FRMD4B: variants seen among roughly 807,000 people sequenced by gnomAD.
FRMD4B encodes the protein FERM domain containing 4B, also known as FERM domain-containing protein 4B.
Under a neutral mutation model 141.5 loss-of-function variants are expected in FRMD4B, and 74 were observed. That is an observed-to-expected ratio of 0.52 (90% CI 0.43 to 0.63). The LOEUF is 0.63. FRMD4B is among the 30% of genes least tolerant of loss of function. FRMD4B has a pLI of 0.00. For synonymous variants in FRMD4B, 506 were observed against 467.9 expected (o/e 1.08, Z -1.05); for missense variants, 1,366 against 1,253.4 (o/e 1.09, Z -1.36).
intron 5 of FRMD4B, among the ~76,000 whole-genome samples, chr3:69,262,245 G>A (rs2093532163): frequency 6.6e-6 from 1 of 152,094 alleles, no homozygotes; most frequent in Non-Finnish European, 1.5e-5. Flanking sequence ...AGGATTACAG[G>A]CACGAACCAC....
At chr3:69,172,476 G>A (rs938914364) in intron 22 of FRMD4B, among the ~76,000 whole-genome samples, 2 of 151,774 alleles carry the variant, frequency 1.3e-5, no homozygotes, top group African/African-American at 4.8e-5. Flanking sequence ...ACAAATCTTC[G>A]GCCCATGTCC....
In FRMD4B at chr3:69,224,677, TG is replaced by T; in HGVS notation, c.594del (p.Arg199GlyfsTer4). 6.5e-7 allele frequency: 1 copy of T among 1,548,764 alleles called. No homozygotes were observed. The highest frequency in any genetic ancestry group is 8.8e-7 in the Non-Finnish European group (1 of 1,131,330). Reference sequence around the variant, plus strand: ...GCTGGTAATGTCTTTAAATCTTTCCTGGCATTTTCATCACTAAAAAGAAATG... The same window carrying T: ...GCTGGTAATGTCTTTAAATCTTTCCTGCATTTTCATCACTAAAAAGAAATG... The part of the protein sequence containing the change: ...AKGDYTSDEN[A>X]RKDLKTLPAF... On this transcript the variant is annotated frameshift_variant, in exon 8 of 23. Coordinates refer to ENST00000398540, the MANE Select transcript of FRMD4B (RefSeq NM_015123.3). LOFTEE classifies it high-confidence loss of function.
intron 1 of FRMD4B, among the ~76,000 whole-genome samples, chr3:69,495,591 G>C (rs893975484): frequency 3.3e-5 from 5 of 152,120 alleles, no homozygotes; most frequent in African/African-American, 1.2e-4. Context: ...CGACAGGCTG[G>C]GTTTGAATCC....
At chr3:69,473,297 C>T (rs902394886) in intron 1 of FRMD4B, among the ~76,000 whole-genome samples, 3 of 152,124 alleles carry the variant, frequency 2.0e-5, no homozygotes, top group Non-Finnish European at 2.9e-5. Flanking sequence ...TTCTATCCAG[C>T]TGATGGCTCT....
At chr3:69,354,875 A>G (rs1703267132) in intron 1 of FRMD4B, among the ~76,000 whole-genome samples, 1 of 152,222 alleles carries the variant, frequency 6.6e-6, no homozygotes, top group African/African-American at 2.4e-5. Context: ...TCACTTGATG[A>G]TATCAGTAGA....
intron 7 of FRMD4B, among the ~76,000 whole-genome samples, chr3:69,235,783 A>C (rs1205205281): frequency 6.6e-6 from 1 of 152,224 alleles, no homozygotes; most frequent in Non-Finnish European, 1.5e-5. Context: ...TTATGCTATT[A>C]ACATCAGTGT....
intron 3 of FRMD4B, among the ~76,000 whole-genome samples, chr3:69,309,643 C>T (rs1162080601): frequency 2.1e-5 from 3 of 141,162 alleles, no homozygotes; most frequent in African/African-American, 5.2e-5. Context: ...TATGGGGTCT[C>T]CCTATGTTAC....
At chr3:69,488,918 T>C (rs1244732672) in intron 1 of FRMD4B, among the ~76,000 whole-genome samples, 1 of 139,778 alleles carries the variant, frequency 7.2e-6, no homozygotes, top group East Asian at 2.0e-4. Context: ...AAAAAAAAAG[T>C]TTAAGATATA....
intron 2 of FRMD4B, among the ~76,000 whole-genome samples, chr3:69,419,441 G>C (rs1258756324): frequency 6.6e-6 from 1 of 152,078 alleles, no homozygotes; most frequent in Non-Finnish European, 1.5e-5. Context: ...CTTATATTCG[G>C]CTCATTGAGC....
chr3:69,535,926 C>T lies in FRMD4B; in HGVS notation c.-129+6280G>A, dbSNP rs1194860511. ...GACAGTGGGTTTTGAACTCTTACTCCCAGCTTTCATTTTCCTGTGGTCCCC... is the reference window on the plus strand; with the variant it reads ...GACAGTGGGTTTTGAACTCTTACTCTCAGCTTTCATTTTCCTGTGGTCCCC... On this transcript the variant is annotated intron_variant, in intron 1 of 5. Coordinates refer to the FRMD4B transcript ENST00000459638. 5 of 387,646 alleles carry T rather than the reference C, an allele frequency of 1.3e-5. No homozygotes were observed. The East Asian group carries it at 3.7e-4, about 29-fold the overall frequency. 24.0% of individuals were successfully genotyped at this position (387,646 alleles called of 1,614,324 possible).
At position 69,317,587 on chromosome 3, in the gene FRMD4B, T is replaced by C. The variant is rs557325452; in HGVS notation, c.163-4070A>G. Reference sequence around the variant, plus strand: ...CATGGTAATGGTAAAAGCTTGTCTCTACTAAAAAAATACAAAAATTAGCTG... The same window carrying C: ...CATGGTAATGGTAAAAGCTTGTCTCCACTAAAAAAATACAAAAATTAGCTG... On this transcript the variant is annotated intron_variant, in intron 1 of 22. Transcript: ENST00000398540. 4.0e-5 allele frequency among the ~76,000 whole-genome samples: 6 copies of C among 151,882 alleles called. No homozygotes were observed. The South Asian group carries it at 1.3e-3, about 32-fold the overall frequency.
At chr3:69,363,317 T>A (rs1703530587) in intron 1 of FRMD4B, among the ~76,000 whole-genome samples, 1 of 148,576 alleles carries the variant, frequency 6.7e-6, no homozygotes, top group African/African-American at 2.5e-5. Context: ...ACTCCTGAGC[T>A]CAAGTGATCC....
At chr3:69,242,696 A>G (rs868572119) in intron 7 of FRMD4B, among the ~76,000 whole-genome samples, 2 of 139,144 alleles carry the variant, frequency 1.4e-5, no homozygotes, top group Non-Finnish European at 3.1e-5. Flanking sequence ...AAATCTTAGG[A>G]AAAAAAAAAA....
chr3:69,536,778 G>A, intron 1 of FRMD4B: 1 of 459,308 alleles, frequency 2.2e-6, no homozygotes, highest in Non-Finnish European at 4.0e-6. Context: ...ACAGAGTCTT[G>A]CTCTGTCGCT....
intron 1 of FRMD4B, chr3:69,536,469 G>C (rs985362788): frequency 1.3e-5 from 9 of 701,960 alleles, no homozygotes; most frequent in Non-Finnish European, 2.4e-5. Context: ...TGTAGAGCTT[G>C]ACGGCCACCG....
At chr3:69,425,119 A>G (rs764115186) in intron 2 of FRMD4B, among the ~76,000 whole-genome samples, 2 of 152,130 alleles carry the variant, frequency 1.3e-5, no homozygotes, top group Non-Finnish European at 2.9e-5. Flanking sequence ...TCATGGTGTT[A>G]TTATCTCTTA....
rs550804096 is a variant in FRMD4B, at chr3:69,170,543, A to G, written c.*1318T>C. The stretch of plus-strand genomic sequence containing the variant: ...AATATAGATAGAAAATGTTCCAAAA[A>G]AGTTGTTCAGAAACTTTTCTATTCA... On this transcript the variant is annotated 3_prime_UTR_variant, in exon 23 of 23. Transcript: ENST00000398540. 2 of 152,172 alleles carry G rather than the reference A, an allele frequency of 1.3e-5. No individual in the cohort carries two copies. The highest frequency in any genetic ancestry group is 2.9e-5 in the Non-Finnish European group (2 of 68,020). 9.4% of individuals were successfully genotyped at this position (152,172 alleles called of 1,614,324 possible).
intron 1 of FRMD4B, among the ~76,000 whole-genome samples, chr3:69,491,199 G>T (rs548693578): frequency 6.6e-6 from 1 of 152,234 alleles, no homozygotes; most frequent in South Asian, 2.1e-4. Flanking sequence ...ACAATAGGTC[G>T]AGAAGCCATG....
chr3:69,239,993 C>T (rs1181750063), intron 7 of FRMD4B, among the ~76,000 whole-genome samples: 1 of 151,664 alleles, frequency 6.6e-6, no homozygotes, highest in Non-Finnish European at 1.5e-5. Flanking sequence ...GCGGAGGTTG[C>T]AGTGAGCCGA....
Sources: gnomAD v4.1 joint callset for allele counts (sites outside exome capture counted in the v4.1 genomes callset) on GRCh38, gnomAD v4.1.1 for gene constraint, MANE v1.5 for transcripts, NCBI Gene and HGNC (gene_info 2026-07-23, HGNC 2026-07-21) for gene names.